The following MAPKAP1 variants were observed in gnomAD, a reference collection of about 807,000 sequenced individuals.
The protein encoded by MAPKAP1 is MAPK associated protein 1.
Under a neutral mutation model 65.7 loss-of-function variants are expected in MAPKAP1, and 20 were observed. That is an observed-to-expected ratio of 0.30 (90% CI 0.21 to 0.44). The LOEUF (loss-of-function observed/expected upper bound fraction) is 0.44, where lower values mean the gene tolerates loss of function less well. Among genes scored for constraint, MAPKAP1 ranks in the 20% least tolerant of loss-of-function variants. The probability of loss-of-function intolerance (pLI) is 1.00; values close to 1 mark genes in which losing one functional copy is unlikely to be tolerated. For synonymous variants in MAPKAP1, 222 were observed against 244.3 expected, an observed-to-expected ratio of 0.91 and a Z score of 0.85; for missense variants, 423 against 648.0, an observed-to-expected ratio of 0.65 and a Z score of 3.77.
intron 4 of MAPKAP1, among the ~76,000 whole-genome samples, chr9:125,587,889 A>C (rs1831835619): frequency 6.6e-6 from 1 of 152,220 alleles, no homozygotes; most frequent in Non-Finnish European, 1.5e-5. Context: ...CAAAAACTCC[A>C]AACAACAACC....
chr9:125,494,540 G>C (rs1854865051), intron 8 of MAPKAP1, among the ~76,000 whole-genome samples: 1 of 152,204 alleles, frequency 6.6e-6, no homozygotes, highest in Admixed American at 6.5e-5. Flanking sequence ...GAGGTAGTCA[G>C]AAAGAAACAG....
At chr9:125,559,509 GTTA>G in intron 6 of MAPKAP1, 121 bp downstream of exon 6, 1 of 817,450 alleles carries the variant, frequency 1.2e-6, no homozygotes, top group Non-Finnish European at 1.9e-6. Flanking sequence ...GGGAGTCATC[GTTA>G]TTACCAGTGG....
intron 4 of MAPKAP1, chr9:125,596,582 G>GC (rs2131601009): frequency 1.5e-6 from 1 of 681,840 alleles, no homozygotes; most frequent in South Asian, 1.4e-5. Context: ...GGTGGCTATG[G>GC]CAGTTCCAGT....
At chr9:125,559,116 T>C (rs1436295164) in intron 6 of MAPKAP1, 2 of 152,258 alleles carry the variant, frequency 1.3e-5, no homozygotes, top group African/African-American at 4.8e-5. Flanking sequence ...CAGAATACTT[T>C]TATATTCCAG....
chr9:125,475,168 C>T (rs1854057665), intron 9 of MAPKAP1, among the ~76,000 whole-genome samples: 2 of 152,118 alleles, frequency 1.3e-5, no homozygotes, highest in Non-Finnish European at 2.9e-5. Flanking sequence ...TCTGATGTCA[C>T]CCATTAATGA....
intron 5 of MAPKAP1, among the ~76,000 whole-genome samples, chr9:125,567,160 A>G (rs1221537493): frequency 6.6e-6 from 1 of 151,952 alleles, no homozygotes. Flanking sequence ...CTCAATCCCC[A>G]CTGTGACCCC....
chr9:125,488,161 T>TC (rs936997272), intron 8 of MAPKAP1, among the ~76,000 whole-genome samples: 3 of 151,914 alleles, frequency 2.0e-5, no homozygotes, highest in African/African-American at 7.3e-5. Flanking sequence ...AGGATTTAAG[T>TC]CCCCCCGATA....
At chr9:125,660,522 C>G (rs1834153955) in intron 3 of MAPKAP1, among the ~76,000 whole-genome samples, 1 of 152,206 alleles carries the variant, frequency 6.6e-6, no homozygotes, top group African/African-American at 2.4e-5. Context: ...CCTAAACACT[C>G]CCTGAAATTA....
intron 4 of MAPKAP1, among the ~76,000 whole-genome samples, chr9:125,645,489 C>A (rs1453042300): frequency 6.6e-6 from 1 of 152,202 alleles, no homozygotes; most frequent in Non-Finnish European, 1.5e-5. Flanking sequence ...ATGATCCCAG[C>A]ACTTTGGGAG....
chr9:125,591,674 G>T (rs995353481), intron 4 of MAPKAP1, among the ~76,000 whole-genome samples: 21 of 152,112 alleles, frequency 1.4e-4, no homozygotes, highest in Non-Finnish European at 2.6e-4. Context: ...TTAATAAGGA[G>T]ACTGTCTTCT....
chr9:125,535,586 C>T (rs1830051325), intron 7 of MAPKAP1, among the ~76,000 whole-genome samples: 1 of 152,160 alleles, frequency 6.6e-6, no homozygotes, highest in South Asian at 2.1e-4. Context: ...TTAATCCTCA[C>T]TCAGCCTCTC....
intron 3 of MAPKAP1, 129 bp from the exon 4 acceptor site, chr9:125,657,928 A>G: frequency 1.2e-6 from 1 of 818,728 alleles, no homozygotes; most frequent in Non-Finnish European, 1.9e-6. Context: ...GGATACATGC[A>G]GAAAGCCCCA....
intron 4 of MAPKAP1, among the ~76,000 whole-genome samples, chr9:125,640,550 A>G (rs1457947988): frequency 6.6e-6 from 1 of 152,172 alleles, no homozygotes; most frequent in African/African-American, 2.4e-5. Flanking sequence ...CCTTGCCTAC[A>G]GTATTCTCAT....
Position 125,486,338 on chromosome 9 carries a change from G to A in MAPKAP1, c.1067-1755C>T, listed in dbSNP as rs140991652. Among the ~76,000 whole-genome samples the A allele has an allele frequency of 3.3e-5, 5 of 152,302 alleles. No homozygotes were observed. In the East Asian group the frequency reaches 9.6e-4, roughly 29 times the overall value. ...TGTTGGTGCCATCACCAGTGCAGGG[G>A]GTAGAATGGGTTGGGAGGGGAGGAG... On this transcript the variant is annotated intron_variant, in intron 8 of 11. Coordinates refer to ENST00000265960, the MANE Select transcript of MAPKAP1 (RefSeq NM_001006617.3).
At chr9:125,549,674 T>C (rs1293702875) in intron 6 of MAPKAP1, among the ~76,000 whole-genome samples, 1 of 152,196 alleles carries the variant, frequency 6.6e-6, no homozygotes, top group Non-Finnish European at 1.5e-5. Context: ...CTTCTCCTTG[T>C]GTATCTTTGC....
At chr9:125,558,160 G>A (rs557191346) in intron 6 of MAPKAP1, among the ~76,000 whole-genome samples, 47 of 152,258 alleles carry the variant, frequency 3.1e-4, no homozygotes, top group South Asian at 1.9e-3. Flanking sequence ...GAGCCACTGC[G>A]CCTGACCTAA....
chr9:125,695,317 T>C (rs920640565), intron 1 of MAPKAP1, among the ~76,000 whole-genome samples: 1 of 152,210 alleles, frequency 6.6e-6, no homozygotes, highest in Admixed American at 6.5e-5. Context: ...ATCAATATAG[T>C]GAAATGCTAA....
At chr9:125,521,548 A>C in intron 7 of MAPKAP1, 1 of 1,365,426 alleles carries the variant, frequency 7.3e-7, no homozygotes, top group Non-Finnish European at 9.4e-7. Context: ...CATTCAAATA[A>C]ATGCCAAAAC....
At chr9:125,651,297 G>A (rs139657201) in intron 4 of MAPKAP1, among the ~76,000 whole-genome samples, 1 of 152,138 alleles carries the variant, frequency 6.6e-6, no homozygotes, top group East Asian at 1.9e-4. Flanking sequence ...AAATCATGTT[G>A]AGACTTTTCT....
Sources: allele counts gnomAD v4.1 joint callset (sites outside exome capture counted in the v4.1 genomes callset), GRCh38; gene constraint gnomAD v4.1.1; transcripts MANE v1.5; gene names NCBI Gene and HGNC (gene_info 2026-07-23, HGNC 2026-07-21).